PKHD1: variants seen among roughly 807,000 people sequenced by gnomAD.
PKHD1 encodes the protein PKHD1 ciliary IPT domain containing fibrocystin/polyductin, also known as fibrocystin.
A neutral mutation model predicts 412.0 loss-of-function variants in PKHD1; 291 were observed. That is an observed-to-expected ratio of 0.71 (90% CI 0.64 to 0.78). The LOEUF is 0.78. PKHD1 is among the 30% of genes least tolerant of loss of function. PKHD1 has a pLI of 0.00. For missense variants in PKHD1, 4,825 were observed against 4,950.7 expected, an observed-to-expected ratio of 0.97 and a Z score of 0.76; for synonymous variants, 1,777 against 1,821.5, an observed-to-expected ratio of 0.98 and a Z score of 0.62.
Position 51,855,936 on chromosome 6 carries a change from TA to T in PKHD1, c.7867del (p.Tyr2623ThrfsTer44). 1.2e-6 allele frequency: 2 copies of T among 1,614,000 alleles called. No individual in the cohort carries two copies. Among genetic ancestry groups the T allele is most frequent in the East Asian group, 4.5e-5 (2 of 44,888 alleles). On this transcript the variant is annotated frameshift_variant, in exon 49 of 67. Coordinates refer to ENST00000371117, the MANE Select transcript of PKHD1 (RefSeq NM_138694.4). LOFTEE classifies it high-confidence loss of function. ...CCAAAGGTTCTCAGATTGCAATGAG[TA>T]GGTCTCTTGGTCCAAGAGCAGAGCC... is the stretch of plus-strand genomic sequence containing the variant. ...WMALLLDQET[Y>X]SLQSENLWIN... is the part of the protein sequence containing the mutation.
chr6:51,891,399 C>G (rs555147865), intron 43 of PKHD1, among the ~76,000 whole-genome samples: 1 of 152,240 alleles, frequency 6.6e-6, no homozygotes, highest in South Asian at 2.1e-4. Flanking sequence ...CCTGCCTTAG[C>G]CTCCTGAGTA....
At chr6:52,003,719 T>A (rs1299748469) in intron 35 of PKHD1, among the ~76,000 whole-genome samples, 4 of 152,230 alleles carry the variant, frequency 2.6e-5, no homozygotes, top group African/African-American at 2.4e-5. Flanking sequence ...TTCTTTCATA[T>A]AAGATCTTGC....
intron 36 of PKHD1, among the ~76,000 whole-genome samples, chr6:51,956,803 A>G (rs1219778773): frequency 6.6e-6 from 1 of 152,044 alleles, no homozygotes; most frequent in Non-Finnish European, 1.5e-5. Context: ...TCCAGGCCAT[A>G]GACATTACAG....
chr6:51,845,237 G>T (rs1436380862), intron 50 of PKHD1, among the ~76,000 whole-genome samples: 1 of 152,184 alleles, frequency 6.6e-6, no homozygotes, highest in African/African-American at 2.4e-5. Context: ...ACTTTACACA[G>T]ATGATATCCA....
rs570797615 is a variant in PKHD1, at chr6:51,793,835, T to C, written c.8303-2462A>G. On this transcript the variant is annotated intron_variant, in intron 52 of 66. Coordinates refer to ENST00000371117, the MANE Select transcript of PKHD1 (RefSeq NM_138694.4). ...TGTGAATAGTGCTGCAATGAACGTA[T>C]GCGTGCATGTGTCTTTAAAACAGAA... Among the ~76,000 whole-genome samples the C allele has an allele frequency of 1.1e-4, 17 of 152,320 alleles. No individual in the cohort carries two copies. The East Asian group carries it at 1.7e-3, about 16-fold the overall frequency.
At chr6:52,000,114 A>C (rs145921239) in intron 35 of PKHD1, among the ~76,000 whole-genome samples, 1 of 152,382 alleles carries the variant, frequency 6.6e-6, no homozygotes, top group African/African-American at 2.4e-5. Context: ...TGATAAAATA[A>C]CATATTGACA....
At chr6:52,006,718 G>A (rs1799119307) in intron 35 of PKHD1, among the ~76,000 whole-genome samples, 1 of 152,008 alleles carries the variant, frequency 6.6e-6, no homozygotes, top group Non-Finnish European at 1.5e-5. Context: ...GTAGGTTTTG[G>A]GGGAACAGAT....
intron 27 of PKHD1, among the ~76,000 whole-genome samples, chr6:52,042,204 G>T (rs559342765): frequency 6.6e-6 from 1 of 152,148 alleles, no homozygotes; most frequent in East Asian, 1.9e-4. Context: ...GCAAAATAGG[G>T]TCAGAAAAAA....
chr6:51,670,738 G>T (rs1562068406), intron 60 of PKHD1, among the ~76,000 whole-genome samples: 1 of 151,932 alleles, frequency 6.6e-6, no homozygotes, highest in Non-Finnish European at 1.5e-5. Flanking sequence ...TTTAGGGCAG[G>T]CCTGGTGGTA....
At chr6:51,994,166 G>A (rs547552045) in intron 35 of PKHD1, among the ~76,000 whole-genome samples, 46 of 144,730 alleles carry the variant, frequency 3.2e-4, no homozygotes, top group African/African-American at 9.9e-4. Flanking sequence ...ACACAGTCTC[G>A]CTCTTTCGCC....
intron 52 of PKHD1, among the ~76,000 whole-genome samples, chr6:51,794,252 T>C (rs1794227707): frequency 6.6e-6 from 1 of 152,146 alleles, no homozygotes; most frequent in Non-Finnish European, 1.5e-5. Context: ...TATCTCATTA[T>C]GGTTTTGATT....
chr6:52,035,730 A>G lies in PKHD1; in HGVS notation c.3098-9T>C. On this transcript the variant is annotated splice_polypyrimidine_tract_variant and intron_variant, in intron 27 of 66. Coordinates refer to ENST00000371117, the MANE Select transcript of PKHD1 (RefSeq NM_138694.4). Reference sequence around the variant, plus strand: ...GGTGGCCCAGAGCCCTCCTGTAACAAAAACAGCATATTCAAATGGGATCAC... The same window carrying G: ...GGTGGCCCAGAGCCCTCCTGTAACAGAAACAGCATATTCAAATGGGATCAC... 2 of 1,613,702 alleles carry G rather than the reference A, an allele frequency of 1.2e-6. No homozygotes were observed. Among genetic ancestry groups the G allele is most frequent in the Admixed American group, 3.3e-5 (2 of 60,000 alleles).
At chr6:51,816,156 CTAA>C (rs1191607220) in intron 52 of PKHD1, among the ~76,000 whole-genome samples, 4 of 151,866 alleles carry the variant, frequency 2.6e-5, no homozygotes, top group Admixed American at 1.3e-4. Context: ...TAGTGCAATA[CTAA>C]TGTAATAAAT....
rs960150781 is a variant in PKHD1, at chr6:51,903,608, T to A, written c.6985A>T (p.Asn2329Tyr). ...PSGIYICSPT[N>Y]VIEGNRVCGA... ...GCTGAACATCTTACCTCTATAACAT[T>A]GGTGGGACTGCAGATATAGATGCCA... Residue 2329 changes from asparagine (N) to tyrosine (Y), a missense_variant, in exon 43 of 67, where the codon AAT becomes TAT. Coordinates refer to ENST00000371117, the MANE Select transcript of PKHD1 (RefSeq NM_138694.4). The A allele has an allele frequency of 6.2e-7, 1 of 1,610,586 alleles. No homozygotes were observed. Among genetic ancestry groups the A allele is most frequent in the Non-Finnish European group, 8.5e-7 (1 of 1,177,568 alleles).
intron 50 of PKHD1, among the ~76,000 whole-genome samples, chr6:51,840,498 T>C (rs988246523): frequency 8.5e-5 from 13 of 152,242 alleles, no homozygotes; most frequent in African/African-American, 2.9e-4. Flanking sequence ...ACCTTCTTAA[T>C]TAACTCAGAG....
intron 61 of PKHD1, among the ~76,000 whole-genome samples, chr6:51,656,310 T>C (rs777077867): frequency 4.6e-5 from 7 of 151,760 alleles, no homozygotes; most frequent in Middle Eastern, 3.2e-3. Flanking sequence ...ATGGACACAG[T>C]GAGGGGAACA....
chr6:51,807,455 AAAAAT>A lies in PKHD1; in HGVS notation c.8303-16087_8303-16083del, dbSNP rs1442498870. Among the ~76,000 whole-genome samples the A allele has an allele frequency of 8.3e-3, 325 of 39,264 alleles. 14 individuals carry two copies. The highest frequency in any genetic ancestry group is 0.024 in the African/African-American group (306 of 13,016). 25.8% of individuals were successfully genotyped at this position (39,264 alleles called of 152,430 possible). ...TCTGTCTCAAAAAAAAAAAAAAAAA[AAAAAT>A]ATATATATATATATATATATGTATA... On this transcript the variant is annotated intron_variant, in intron 52 of 66. Transcript: ENST00000371117.
intron 35 of PKHD1, among the ~76,000 whole-genome samples, chr6:51,978,670 G>A (rs1361328862): frequency 6.6e-6 from 1 of 152,108 alleles, no homozygotes; most frequent in Non-Finnish European, 1.5e-5. Flanking sequence ...CAGGAGAGGA[G>A]GTAATCTAGA....
chr6:51,818,846 T>A (rs1376726248), intron 52 of PKHD1, among the ~76,000 whole-genome samples: 3 of 152,120 alleles, frequency 2.0e-5, no homozygotes, highest in Non-Finnish European at 4.4e-5. Flanking sequence ...ACCGAGTGAC[T>A]TTGGAAATAG....
Sources: allele counts gnomAD v4.1 joint callset (sites outside exome capture counted in the v4.1 genomes callset), GRCh38; gene constraint gnomAD v4.1.1; transcripts MANE v1.5; gene names NCBI Gene and HGNC (gene_info 2026-07-23, HGNC 2026-07-21).